The following HNRNPAB variants were observed in gnomAD, a reference collection of about 807,000 sequenced individuals.
HNRNPAB encodes the protein ABBP-1.
A neutral mutation model predicts 44.1 loss-of-function variants in HNRNPAB; 17 were observed. The observed-to-expected ratio is 0.39, with a 90% CI of 0.26 to 0.58. The LOEUF (loss-of-function observed/expected upper bound fraction) is 0.58, where lower values mean the gene tolerates loss of function less well. Among genes scored for constraint, HNRNPAB ranks in the 20% least tolerant of loss-of-function variants. HNRNPAB has a pLI of 0.63. For synonymous variants in HNRNPAB, 183 were observed against 167.6 expected (o/e 1.09, Z -0.71); for missense variants, 393 against 432.7 (o/e 0.91, Z 0.81).
intron 5 of HNRNPAB, among the ~76,000 whole-genome samples, chr5:178,207,777 A>C (rs1561663010): frequency 7.3e-6 from 1 of 136,456 alleles, no homozygotes; most frequent in Non-Finnish European, 1.5e-5. Flanking sequence ...ATCATGGCTC[A>C]CTGCAACCTT....
chr5:178,210,694 C>G lies in HNRNPAB; in HGVS notation c.*71C>G, dbSNP rs1758003735. ...GATATGGAGTGAACACAATTATGTA[C>G]CAAATTTAACTTGGCAAACTTTCTA... is the stretch of plus-strand genomic sequence containing the variant. On this transcript the variant is annotated 3_prime_UTR_variant, in exon 8 of 8. Transcript: ENST00000358344. 2 of 1,234,700 alleles carry G rather than the reference C, an allele frequency of 1.6e-6. No homozygotes were observed. The highest frequency in any genetic ancestry group is 2.4e-6 in the Non-Finnish European group (2 of 838,908). The allele number at this position is 1,234,700 out of a possible 1,614,324, so 76.5% of individuals were successfully genotyped here. A position where few individuals can be genotyped will look rare whatever the true frequency, so the allele number is the denominator to read the frequency against.
Position 178,204,639 on chromosome 5 carries a change from TG to T in HNRNPAB, c.-121del. 1 of 293,316 alleles carries T rather than the reference TG, an allele frequency of 3.4e-6. No homozygotes were observed. The highest frequency in any genetic ancestry group is 6.3e-6 in the Non-Finnish European group (1 of 159,970). 18.2% of individuals were successfully genotyped at this position (293,316 alleles called of 1,614,324 possible). ...AGTTGGAGCAGCTCCGTGGGCTGAC[TG>T]GGGCGAGGCCTCAGCAGCGCGAGCT... On this transcript the variant is annotated 5_prime_UTR_variant, in exon 1 of 8. Transcript: ENST00000358344.
At chr5:178,207,725 CAG>C (rs1020070629) in intron 5 of HNRNPAB, among the ~76,000 whole-genome samples, 7 of 104,776 alleles carry the variant, frequency 6.7e-5, no homozygotes, top group East Asian at 3.1e-4. Context: ...TGCTTTGAGA[CAG>C]AGTCTTGCTT....
In HNRNPAB at chr5:178,209,281, T is replaced by C. The variant is rs545315011; in HGVS notation, c.670-49T>C. On this transcript the variant is annotated intron_variant, in intron 5 of 7. Coordinates refer to ENST00000358344, the MANE Select transcript of HNRNPAB (RefSeq NM_031266.3). ...GCAGTGAAGGTGTTTGGGCAGTCAC[T>C]GCCCTGAGTTTGTCCTACTGGCCTG... The C allele has an allele frequency of 4.1e-6, 6 of 1,454,688 alleles. No individual in the cohort carries two copies. In the African/African-American group the frequency reaches 8.4e-5, roughly 20 times the overall value. The allele number at this position is 1,454,688 out of a possible 1,614,324, so 90.1% of individuals were successfully genotyped here.
chr5:178,210,020 C>T (rs1330875357), intron 6 of HNRNPAB, 112 bp from the exon 7 acceptor site: 1 of 1,473,566 alleles, frequency 6.8e-7, no homozygotes, highest in Non-Finnish European at 9.2e-7. Flanking sequence ...CCCTTGGCTT[C>T]TGCCTGAGTT....
chr5:178,209,796 C>T (rs1757627859), intron 6 of HNRNPAB, among the ~76,000 whole-genome samples: 1 of 152,146 alleles, frequency 6.6e-6, no homozygotes, highest in African/African-American at 2.4e-5. Context: ...AGGCATTTAT[C>T]CCCTTCCATC....
chr5:178,210,448 C>T, intron 7 of HNRNPAB, 105 bp from the exon 8 acceptor site: 1 of 1,486,200 alleles, frequency 6.7e-7, no homozygotes, highest in Non-Finnish European at 9.3e-7. Flanking sequence ...GGAAGGCAGT[C>T]TCTGCTGTCA....
intron 5 of HNRNPAB, 71 bp from the exon 6 acceptor site, chr5:178,209,259 G>GT: frequency 8.6e-7 from 1 of 1,167,546 alleles, no homozygotes. Context: ...GTTTGTCGCA[G>GT]TGAAGGTGTT....
chr5:178,205,865 G>A lies in HNRNPAB; in HGVS notation c.233G>A (p.Ser78Asn), dbSNP rs149910694. ...AGAAAAATGTTCGTTGGTGGCCTGAGCTGGGATACTAGCAAAAAAGATTTA... is the reference window on the plus strand; with the variant it reads ...AGAAAAATGTTCGTTGGTGGCCTGAACTGGGATACTAGCAAAAAAGATTTA... Reference protein sequence around the residue: ...DAGKMFVGGLSWDTSKKDLKD... With the variant: ...DAGKMFVGGLNWDTSKKDLKD... Residue 78 changes from serine (S) to asparagine (N), a missense_variant, in exon 3 of 8, where the codon AGC (serine) becomes AAC (asparagine). This residue lies in a region of HNRNPAB where 102 missense variants were observed against 162.3 expected (regional missense o/e 0.63). Transcript: ENST00000358344. 6 of 1,614,080 alleles carry A rather than the reference G, an allele frequency of 3.7e-6. No individual in the cohort carries two copies. In the South Asian group the frequency reaches 4.4e-5, roughly 12 times the overall value.
intron 5 of HNRNPAB, 89 bp from the exon 6 acceptor site, chr5:178,209,241 C>A: frequency 2.0e-6 from 2 of 1,014,508 alleles, no homozygotes; most frequent in Non-Finnish European, 3.1e-6. Flanking sequence ...CCTGATCCAC[C>A]ATTTGATGTT....
intron 3 of HNRNPAB, 104 bp downstream of exon 3, chr5:178,206,114 T>C (rs1757045926): frequency 8.2e-7 from 1 of 1,212,580 alleles, no homozygotes; most frequent in Non-Finnish European, 1.2e-6. Context: ...GCATGTGATT[T>C]AAGTGCTTTG....
At position 178,204,705 on chromosome 5, in the gene HNRNPAB, G is replaced by A; in HGVS notation, c.-59G>A. 1 of 429,154 alleles carries A rather than the reference G, an allele frequency of 2.3e-6. No homozygotes were observed. The highest frequency in any genetic ancestry group is 3.6e-6 in the Non-Finnish European group (1 of 274,910). The allele number at this position is 429,154 out of a possible 1,614,324, so 26.6% of individuals were successfully genotyped here. ...CCTGCGGCGCCTTCCCCTGCGGGTGGGGACGAGCGGGCCCCGCGGCGTCAT... is the reference window on the plus strand; with the variant it reads ...CCTGCGGCGCCTTCCCCTGCGGGTGAGGACGAGCGGGCCCCGCGGCGTCAT... On this transcript the variant is annotated 5_prime_UTR_variant, in exon 1 of 8. Transcript: ENST00000358344.
chr5:178,209,006 T>G, intron 5 of HNRNPAB: 1 of 278,702 alleles, frequency 3.6e-6, no homozygotes. Flanking sequence ...AGGACCAAGG[T>G]GTGGTGCCTG....
intron 2 of HNRNPAB, among the ~76,000 whole-genome samples, chr5:178,205,288 G>A (rs1011778805): frequency 6.6e-6 from 1 of 151,300 alleles, no homozygotes. Flanking sequence ...CAGGGCCAGG[G>A]CCAGGGCCGG....
intron 5 of HNRNPAB, 45 bp downstream of exon 5, chr5:178,207,270 G>A (rs1390559160): frequency 6.2e-7 from 1 of 1,609,638 alleles, no homozygotes; most frequent in Non-Finnish European, 8.5e-7. Flanking sequence ...CTGCTGGAGA[G>A]CTGGCCCTTA....
chr5:178,205,624 T>G (rs1042727346), intron 2 of HNRNPAB: 1 of 519,798 alleles, frequency 1.9e-6, no homozygotes, highest in Non-Finnish European at 3.5e-6. Context: ...CTTCTTTGCT[T>G]CTCACAGGCT....
rs1404203645 is a variant in HNRNPAB at position 178,205,922 on chromosome 5, TTGAC to T, written c.293_296del (p.Asp98ValfsTer3). On this transcript the variant is annotated frameshift_variant, in exon 3 of 8. Transcript: ENST00000358344. LOFTEE classifies it high-confidence loss of function. ...TATTTTACTAAATTTGGAGAGGTCG[TTGAC>T]TGTACAATAAAAATGGATCCCAACA... 1.2e-6 allele frequency: 2 copies of T among 1,614,044 alleles called. No homozygotes were observed. The highest frequency in any genetic ancestry group is 1.7e-6 in the Non-Finnish European group (2 of 1,179,988).
At chr5:178,210,010 C>T in intron 6 of HNRNPAB, 122 bp from the exon 7 acceptor site, 2 of 1,378,022 alleles carry the variant, frequency 1.5e-6, no homozygotes, top group Non-Finnish European at 2.0e-6. Flanking sequence ...GAACAGCAGC[C>T]CCTTGGCTTC....
chr5:178,204,766 C>G, intron 1 of HNRNPAB, 26 bp downstream of exon 1: 1 of 1,008,486 alleles, frequency 9.9e-7, no homozygotes, highest in Non-Finnish European at 1.3e-6. Flanking sequence ...CGGGCGGGAG[C>G]TCTGGCGGGA....
Sources: allele counts gnomAD v4.1 joint callset (sites outside exome capture counted in the v4.1 genomes callset), GRCh38; gene constraint gnomAD v4.1.1; regional missense constraint gnomAD v4.1.1; transcripts MANE v1.5; gene names NCBI Gene and HGNC (gene_info 2026-07-23, HGNC 2026-07-21).